NFIA: variants seen among roughly 807,000 people sequenced by gnomAD.
NFIA encodes the protein nuclear factor I A.
NFIA carries 8 observed loss-of-function variants against 62.8 expected under a neutral mutation model. That is an observed-to-expected ratio of 0.13 (90% confidence interval 0.07 to 0.23). The LOEUF (loss-of-function observed/expected upper bound fraction) is 0.23, where lower values mean the gene tolerates loss of function less well. Ranked by LOEUF, NFIA falls within the 10% of genes least tolerant of loss-of-function variation. The pLI is 1.00. For missense variants in NFIA, 410 were observed against 642.1 expected (o/e 0.64, Z 3.91); for synonymous variants, 235 against 238.1 (o/e 0.99, Z 0.12).
chr1:61,333,258 A>G (rs1360590802), intron 4 of NFIA, among the ~76,000 whole-genome samples: 3 of 152,314 alleles, frequency 2.0e-5, no homozygotes, highest in African/African-American at 7.2e-5. Flanking sequence ...CTTGTAGGTA[A>G]AATTTACATG....
At chr1:61,288,748 A>G (rs936355725) in intron 3 of NFIA, among the ~76,000 whole-genome samples, 2 of 152,118 alleles carry the variant, frequency 1.3e-5, no homozygotes, top group Non-Finnish European at 2.9e-5. Context: ...ACAGGTGGGA[A>G]AGGAGGAGGG....
At chr1:61,396,074 G>A (rs112742516) in intron 7 of NFIA, among the ~76,000 whole-genome samples, 1,642 of 152,256 alleles carry the variant, frequency 0.011, 35 homozygotes, top group African/African-American at 0.037. Flanking sequence ...AGTCCAAGCT[G>A]CTTACTGTGA....
At chr1:61,328,723 A>ATTTTT (rs35979153) in intron 3 of NFIA, among the ~76,000 whole-genome samples, 2 of 108,932 alleles carry the variant, frequency 1.8e-5, no homozygotes, top group African/African-American at 3.3e-5. Flanking sequence ...CCGGCCTATA[A>ATTTTT]TTTTTTTTTT....
At chr1:61,250,781 T>C (rs1261262546) in intron 2 of NFIA, among the ~76,000 whole-genome samples, 2 of 152,192 alleles carry the variant, frequency 1.3e-5, no homozygotes, top group African/African-American at 2.4e-5. Flanking sequence ...TTCTTAGAAG[T>C]AAGAAATTAT....
Position 61,131,655 on chromosome 1 carries a change from G to GA in NFIA, c.559+42985dup, listed in dbSNP as rs925822776. ...AGTGTTTATGTTGCAAAAAGAAAAG[G>GA]AAAAAAAAAAGATTCCCACTTGGAC... On this transcript the variant is annotated intron_variant, in intron 2 of 10. Coordinates refer to ENST00000403491, the MANE Select transcript of NFIA (RefSeq NM_001134673.4). Among the ~76,000 whole-genome samples, 107 of 146,552 alleles carry GA rather than the reference G, an allele frequency of 7.3e-4. 1 individual carries two copies. In the East Asian group the frequency reaches 0.012, roughly 17 times the overall value.
intron 9 of NFIA, among the ~76,000 whole-genome samples, chr1:61,415,934 C>T (rs1666329077): frequency 6.6e-6 from 1 of 152,000 alleles, no homozygotes; most frequent in Admixed American, 6.6e-5. Flanking sequence ...ACTGAAATAC[C>T]TACCAACTGA....
intron 2 of NFIA, among the ~76,000 whole-genome samples, chr1:61,112,527 A>G (rs1239321697): frequency 6.6e-6 from 1 of 151,906 alleles, no homozygotes; most frequent in Non-Finnish European, 1.5e-5. Flanking sequence ...CTATTGCTGG[A>G]CTCTTAAGAT....
At chr1:61,390,055 A>C (rs1346408901) in intron 7 of NFIA, among the ~76,000 whole-genome samples, 1 of 152,212 alleles carries the variant, frequency 6.6e-6, no homozygotes, top group Non-Finnish European at 1.5e-5. Context: ...ACGAGAGGAC[A>C]AGGAAACCAG....
At chr1:61,141,986 C>G (rs1390745562) in intron 2 of NFIA, among the ~76,000 whole-genome samples, 1 of 152,036 alleles carries the variant, frequency 6.6e-6, no homozygotes, top group Non-Finnish European at 1.5e-5. Context: ...TTACTATGTT[C>G]TCCTAAAATG....
chr1:61,198,181 T>C (rs1234607355), intron 2 of NFIA, among the ~76,000 whole-genome samples: 2 of 152,168 alleles, frequency 1.3e-5, no homozygotes, highest in East Asian at 1.9e-4. Context: ...CTGACCAACA[T>C]TTAATTCATC....
At chr1:61,212,057 C>T (rs887821902) in intron 2 of NFIA, among the ~76,000 whole-genome samples, 20 of 152,082 alleles carry the variant, frequency 1.3e-4, no homozygotes, top group Admixed American at 1.3e-4. Flanking sequence ...TTTAAATTAG[C>T]AAATTGGGTT....
At chr1:61,236,263 C>G (rs1323651241) in intron 2 of NFIA, among the ~76,000 whole-genome samples, 1 of 152,028 alleles carries the variant, frequency 6.6e-6, no homozygotes, top group Non-Finnish European at 1.5e-5. Context: ...AACCCAGTAG[C>G]CATCTGAGAG....
intron 2 of NFIA, among the ~76,000 whole-genome samples, chr1:61,122,807 T>G (rs1296395588): frequency 6.6e-6 from 1 of 152,156 alleles, no homozygotes; most frequent in Non-Finnish European, 1.5e-5. Context: ...GTGTGAAGGA[T>G]GTGCAGGTTT....
intron 7 of NFIA, among the ~76,000 whole-genome samples, chr1:61,393,823 A>C (rs1485964626): frequency 6.6e-6 from 1 of 152,140 alleles, no homozygotes; most frequent in Non-Finnish European, 1.5e-5. Context: ...CAGCTTACTC[A>C]CTAGCTGTGG....
chr1:61,176,448 G>T (rs1026956005), intron 2 of NFIA, among the ~76,000 whole-genome samples: 1 of 152,112 alleles, frequency 6.6e-6, no homozygotes, highest in Non-Finnish European at 1.5e-5. Flanking sequence ...TGTTTTACAG[G>T]ATAGAAATAA....
rs1557632046 is a variant in NFIA at position 61,200,050 on chromosome 1, A to ACATATATATACGTATATATATG, written c.560-77470_560-77469insCATATATATACGTATATATATG. On this transcript the variant is annotated intron_variant, in intron 2 of 10. Transcript: ENST00000403491. ...TATATATATATATATATATATATATATATATATATATATATATGTATGTAT... is the reference window on the plus strand; with the variant it reads ...TATATATATATATATATATATATATACATATATATACGTATATATATGTATATATATATATATATGTATGTAT... 2.4e-3 allele frequency among the ~76,000 whole-genome samples: 127 copies of ACATATATATACGTATATATATG among 52,328 alleles called. 4 individuals are homozygous for ACATATATATACGTATATATATG. Among genetic ancestry groups the ACATATATATACGTATATATATG allele is most frequent in the African/African-American group, 0.014 (121 of 8,526 alleles). The allele number at this position is 52,328 out of a possible 152,430, so 34.3% of individuals were successfully genotyped here. A position where few individuals can be genotyped will look rare whatever the true frequency, so the allele number is the denominator to read the frequency against.
At chr1:61,115,073 G>T (rs537573061) in intron 2 of NFIA, among the ~76,000 whole-genome samples, 1 of 152,128 alleles carries the variant, frequency 6.6e-6, no homozygotes, top group African/African-American at 2.4e-5. Flanking sequence ...TACACCTCCC[G>T]GGTTCAAACT....
intron 1 of NFIA, among the ~76,000 whole-genome samples, chr1:61,087,361 G>A (rs991938740): frequency 6.6e-6 from 1 of 151,866 alleles, no homozygotes; most frequent in African/African-American, 2.4e-5. Flanking sequence ...ATGTATTCAT[G>A]TATGCTTTTC....
At chr1:61,164,509 G>T (rs1444498321) in intron 2 of NFIA, among the ~76,000 whole-genome samples, 1 of 151,978 alleles carries the variant, frequency 6.6e-6, no homozygotes, top group Non-Finnish European at 1.5e-5. Flanking sequence ...GCCCAGGCTG[G>T]AGTGCAGTGG....
Sources: gnomAD v4.1 joint callset for allele counts (sites outside exome capture counted in the v4.1 genomes callset) on GRCh38, gnomAD v4.1.1 for gene constraint, MANE v1.5 for transcripts, NCBI Gene and HGNC (gene_info 2026-07-23, HGNC 2026-07-21) for gene names.